CHRNA9: variants seen among roughly 807,000 people sequenced by gnomAD.
CHRNA9 encodes the protein cholinergic receptor nicotinic alpha 9 subunit.
Under a neutral mutation model 36.8 loss-of-function variants are expected in CHRNA9, and 24 were observed. The observed-to-expected ratio is 0.65, with a 90% CI of 0.47 to 0.92. The LOEUF (loss-of-function observed/expected upper bound fraction) is 0.92, where lower values mean the gene tolerates loss of function less well. CHRNA9 is among the 40% of genes least tolerant of loss of function. The probability of loss-of-function intolerance (pLI) is 0.00; values close to 1 mark genes in which losing one functional copy is unlikely to be tolerated. For synonymous variants in CHRNA9, 231 were observed against 231.8 expected (o/e 1.00, Z 0.03); for missense variants, 610 against 601.2 (o/e 1.01, Z -0.15).
intron 3 of CHRNA9, among the ~76,000 whole-genome samples, chr4:40,339,683 G>A (rs987436695): frequency 7.7e-6 from 1 of 129,930 alleles, no homozygotes; most frequent in Non-Finnish European, 1.6e-5. Flanking sequence ...AAAAAAAAAG[G>A]CGGGGTCTCA....
At position 40,340,973 on chromosome 4, in the gene CHRNA9, C is replaced by CAAAAA. The variant is rs543449903; in HGVS notation, c.365+3625_365+3629dup. On this transcript the variant is annotated intron_variant, in intron 3 of 4. Transcript: ENST00000310169. Reference sequence around the variant, plus strand: ...GAAGCCAAAGGGAAGATAAGCTCTCCAAAAAAAAAAAAAAAAAAAAGAACA... The same window carrying CAAAAA: ...GAAGCCAAAGGGAAGATAAGCTCTCCAAAAAAAAAAAAAAAAAAAAAAAAAGAACA... 7.7e-4 allele frequency among the ~76,000 whole-genome samples: 50 copies of CAAAAA among 64,946 alleles called. 1 individual carries two copies. The highest frequency in any genetic ancestry group is 1.3e-3 in the African/African-American group (29 of 22,994). 42.6% of individuals were successfully genotyped at this position (64,946 alleles called of 152,430 possible). A position where few individuals can be genotyped will look rare whatever the true frequency, so the allele number is the denominator to read the frequency against.
chr4:40,353,860 A>G (rs1202051750), intron 4 of CHRNA9, 119 bp from the exon 5 acceptor site: 36 of 937,246 alleles, frequency 3.8e-5, no homozygotes, highest in Non-Finnish European at 5.1e-5. Flanking sequence ...TTCACACAAC[A>G]GCAAAATCAC....
rs367777303 is a variant in CHRNA9 at position 40,349,260 on chromosome 4, C to T, written c.744C>T (p.Cys248=). The change falls in exon 4 of 5, where the codon TGC becomes TGT. Residue 248 remains cysteine, a synonymous_variant. Transcript: ENST00000310169. ...SFYIVNLLIP[C]VLISFLAPLS... ...ATATCGTCAACCTCCTCATCCCATG[C>T]GTCCTCATATCTTTTCTGGCTCCTC... 17 of 1,614,032 alleles carry T rather than the reference C, an allele frequency of 1.1e-5. No homozygotes were observed. In the African/African-American group the frequency reaches 1.3e-4, roughly 13 times the overall value.
At chr4:40,339,434 G>A (rs771960310) in intron 3 of CHRNA9, among the ~76,000 whole-genome samples, 8 of 151,350 alleles carry the variant, frequency 5.3e-5, no homozygotes, top group Non-Finnish European at 1.2e-4. Context: ...TGTAATCCCA[G>A]CACCTTGGGA....
intron 3 of CHRNA9, among the ~76,000 whole-genome samples, chr4:40,346,738 G>A (rs1404266353): frequency 6.6e-6 from 1 of 151,874 alleles, no homozygotes; most frequent in Non-Finnish European, 1.5e-5. Flanking sequence ...TCTAATGAGT[G>A]GAAACAATAA....
At chr4:40,346,513 CAAGG>C (rs1166804747) in intron 3 of CHRNA9, among the ~76,000 whole-genome samples, 1 of 152,162 alleles carries the variant, frequency 6.6e-6, no homozygotes, top group Non-Finnish European at 1.5e-5. Context: ...TCTCTTGCAC[CAAGG>C]AAGTAGGATG....
chr4:40,338,185 T>C (rs1290485164), intron 3 of CHRNA9: 1 of 152,182 alleles, frequency 6.6e-6, no homozygotes. Context: ...ATGAACCAGT[T>C]TACGGGATAC....
At chr4:40,348,587 C>T (rs192706676) in intron 3 of CHRNA9, among the ~76,000 whole-genome samples, 34 of 152,156 alleles carry the variant, frequency 2.2e-4, no homozygotes, top group Non-Finnish European at 2.6e-4. Flanking sequence ...TTTTTGTCTG[C>T]GTGTTCAAAT....
rs1353747146 is a variant in CHRNA9 at position 40,345,643 on chromosome 4, C to T, written c.366-3239C>T. ...AGGAGAATTGCTTAAACCTGAGAGGCGGAGGTTGCAGTGAACCAAGATTGT... is the reference window on the plus strand; with the variant it reads ...AGGAGAATTGCTTAAACCTGAGAGGTGGAGGTTGCAGTGAACCAAGATTGT... On this transcript the variant is annotated intron_variant, in intron 3 of 4. Transcript: ENST00000310169. Among the ~76,000 whole-genome samples the T allele has an allele frequency of 3.6e-5, 5 of 137,726 alleles. No homozygotes were observed. The East Asian group carries it at 5.9e-4, about 16-fold the overall frequency. The allele number at this position is 137,726 out of a possible 152,430, so 90.4% of individuals were successfully genotyped here.
Position 40,354,742 on chromosome 4 carries a change from C to T in CHRNA9, c.*222C>T. On this transcript the variant is annotated 3_prime_UTR_variant, in exon 5 of 5. Transcript: ENST00000310169. ...AAGATGGAAGAAATAGGGAAAGAGCCCTTTTATAGCCCACCGTAGTGGTGG... is the reference window on the plus strand; with the variant it reads ...AAGATGGAAGAAATAGGGAAAGAGCTCTTTTATAGCCCACCGTAGTGGTGG... 2.1e-6 allele frequency: 1 copy of T among 486,332 alleles called. No individual in the cohort carries two copies. Among genetic ancestry groups the T allele is most frequent in the Non-Finnish European group, 3.7e-6 (1 of 273,954 alleles). 30.1% of individuals were successfully genotyped at this position (486,332 alleles called of 1,614,324 possible). A position where few individuals can be genotyped will look rare whatever the true frequency, so the allele number is the denominator to read the frequency against.
intron 3 of CHRNA9, among the ~76,000 whole-genome samples, chr4:40,342,679 C>A (rs1369169059): frequency 6.6e-6 from 1 of 151,998 alleles, no homozygotes; most frequent in African/African-American, 2.4e-5. Flanking sequence ...AAGCAGGAGT[C>A]AGGAAATAAA....
chr4:40,345,413 T>C (rs1047698994), intron 3 of CHRNA9, among the ~76,000 whole-genome samples: 1 of 152,160 alleles, frequency 6.6e-6, no homozygotes, highest in Non-Finnish European at 1.5e-5. Flanking sequence ...TTTAATATAA[T>C]GTATTTAAAT....
chr4:40,336,486 AT>A (rs66847820), intron 2 of CHRNA9, among the ~76,000 whole-genome samples: 31,776 of 150,344 alleles, frequency 0.21, 3,599 homozygotes, highest in Admixed American at 0.31. Context: ...TTTGATCTTA[AT>A]TTTTTTTTTG....
intron 3 of CHRNA9, among the ~76,000 whole-genome samples, chr4:40,339,509 CG>C (rs1712437991): frequency 6.6e-6 from 1 of 150,666 alleles, no homozygotes; most frequent in East Asian, 2.0e-4. Context: ...GGTGAAACCC[CG>C]TCTCTACTAA....
chr4:40,340,973 CAAA>C (rs543449903), intron 3 of CHRNA9, among the ~76,000 whole-genome samples: 8 of 64,964 alleles, frequency 1.2e-4, no homozygotes, highest in East Asian at 6.4e-4. Flanking sequence ...ATAAGCTCTC[CAAA>C]AAAAAAAAAA....
In CHRNA9 at chr4:40,354,067, G is replaced by T; in HGVS notation, c.987G>T (p.Glu329Asp). 1 of 1,614,230 alleles carries T rather than the reference G, an allele frequency of 6.2e-7. No homozygotes were observed. The highest frequency in any genetic ancestry group is 1.3e-5 in the African/African-American group (1 of 75,052). Residue 329 changes from glutamate to aspartate, a missense_variant, in exon 5 of 5, where the codon GAG becomes GAT. Glu to Asp is a conservative substitution (Grantham distance 45). Coordinates refer to ENST00000310169, the MANE Select transcript of CHRNA9 (RefSeq NM_017581.4). The stretch of plus-strand genomic sequence containing the variant: ...TGAATATCCACTTCTGTGGGGCCGA[G>T]GCCCGGCCGGTGCCACACTGGGCCA... ...MVMNIHFCGA[E>D]ARPVPHWARV...
In CHRNA9 at chr4:40,354,881, C is replaced by A. The variant is rs185689952; in HGVS notation, c.*361C>A. 3 of 180,660 alleles carry A rather than the reference C, an allele frequency of 1.7e-5. No individual in the cohort carries two copies. Among genetic ancestry groups the A allele is most frequent in the African/African-American group, 7.1e-5 (3 of 42,420 alleles). 11.2% of individuals were successfully genotyped at this position (180,660 alleles called of 1,614,324 possible). ...AGGCAAAACAAAACAAACTCATTTT[C>A]CCCTTAGTTCCCATTAAAATATGCA... On this transcript the variant is annotated 3_prime_UTR_variant, in exon 5 of 5. Transcript: ENST00000310169.
chr4:40,341,238 A>C (rs78746336), intron 3 of CHRNA9, among the ~76,000 whole-genome samples: 3,320 of 151,900 alleles, frequency 0.022, 117 homozygotes, highest in African/African-American at 0.076. Context: ...AGAAATTTTA[A>C]ATTTGAATTC....
At chr4:40,342,918 G>A (rs1010537903) in intron 3 of CHRNA9, among the ~76,000 whole-genome samples, 21 of 152,126 alleles carry the variant, frequency 1.4e-4, no homozygotes, top group African/African-American at 4.6e-4. Flanking sequence ...AGGGAAGTTA[G>A]CCAGGAAGAG....
Sources: allele counts gnomAD v4.1 joint callset (sites outside exome capture counted in the v4.1 genomes callset), GRCh38; gene constraint gnomAD v4.1.1; transcripts MANE v1.5; gene names NCBI Gene and HGNC (gene_info 2026-07-23, HGNC 2026-07-21).